The following RGS20 variants were observed in gnomAD, a reference collection of about 807,000 sequenced individuals.
RGS20 encodes regulator of G protein signaling 20, also known as gz-selective GTPase-activating protein.
In RGS20, 30 loss-of-function variants were observed where a neutral mutation model predicts 33.6. The ratio of observed to expected loss-of-function variants is 0.89; its 90% CI spans 0.67 to 1.21. The LOEUF (loss-of-function observed/expected upper bound fraction) is 1.21. RGS20 is among the 50% of genes most tolerant of loss of function. The pLI is 0.00. For missense variants in RGS20, 472 were observed against 502.4 expected, an observed-to-expected ratio of 0.94 and a Z score of 0.58; for synonymous variants, 208 against 197.9, an observed-to-expected ratio of 1.05 and a Z score of -0.43.
At chr8:53,901,859 T>C (rs1813043244) in intron 2 of RGS20, among the ~76,000 whole-genome samples, 1 of 152,082 alleles carries the variant, frequency 6.6e-6, no homozygotes, top group Non-Finnish European at 1.5e-5. Flanking sequence ...CCCTGTCCCT[T>C]AAAAAAGGAA....
At chr8:53,947,156 A>G (rs1425749840) in intron 4 of RGS20, among the ~76,000 whole-genome samples, 1 of 146,696 alleles carries the variant, frequency 6.8e-6, no homozygotes, top group African/African-American at 2.5e-5. Context: ...TATAGTATAT[A>G]TATTTATACA....
intron 1 of RGS20, among the ~76,000 whole-genome samples, chr8:53,865,925 GAC>G (rs1485442196): frequency 6.6e-6 from 1 of 152,166 alleles, no homozygotes; most frequent in African/African-American, 2.4e-5. Context: ...AGGGTTTTGA[GAC>G]ACAGGTCTGA....
chr8:53,878,023 C>G (rs966622564), intron 1 of RGS20, among the ~76,000 whole-genome samples: 1 of 152,232 alleles, frequency 6.6e-6, no homozygotes, highest in Admixed American at 6.5e-5. Flanking sequence ...GGCCGCCGCG[C>G]CCCTGGGACC....
chr8:53,874,178 CAGAAAAA>C (rs1010996093), intron 1 of RGS20, among the ~76,000 whole-genome samples: 3 of 151,834 alleles, frequency 2.0e-5, no homozygotes, highest in Admixed American at 1.3e-4. Context: ...GACTCCGTCT[CAGAAAAA>C]AGAAAAAAGA....
intron 2 of RGS20, among the ~76,000 whole-genome samples, chr8:53,882,611 T>C (rs899819960): frequency 1.4e-5 from 2 of 139,888 alleles, no homozygotes; most frequent in Admixed American, 7.4e-5. Flanking sequence ...GCCACTGCCC[T>C]CCGGCCTGGG....
intron 2 of RGS20, among the ~76,000 whole-genome samples, chr8:53,885,790 CTTTTTT>C (rs1172257852): frequency 2.5e-3 from 281 of 112,734 alleles, no homozygotes; most frequent in African/African-American, 8.8e-3. Flanking sequence ...GTATCTTACT[CTTTTTT>C]TTTTTTTTTT....
chr8:53,867,115 C>A (rs1013657679), intron 1 of RGS20, among the ~76,000 whole-genome samples: 10 of 152,264 alleles, frequency 6.6e-5, no homozygotes, highest in Non-Finnish European at 1.5e-4. Flanking sequence ...CCTCTCCTGA[C>A]CCTTCCTCCA....
At chr8:53,862,038 G>A (rs1811819942) in intron 1 of RGS20, among the ~76,000 whole-genome samples, 1 of 152,074 alleles carries the variant, frequency 6.6e-6, no homozygotes, top group South Asian at 2.1e-4. Flanking sequence ...GGTGAGGAGG[G>A]TGTGAGGAAC....
intron 2 of RGS20, among the ~76,000 whole-genome samples, chr8:53,902,732 T>C (rs1813064016): frequency 8.7e-6 from 1 of 115,154 alleles, no homozygotes; most frequent in Non-Finnish European, 1.5e-5. Flanking sequence ...TGATTGGTTC[T>C]TTTTTTTTTT....
At chr8:53,883,635 G>A (rs1048277120) in intron 2 of RGS20, among the ~76,000 whole-genome samples, 2 of 151,958 alleles carry the variant, frequency 1.3e-5, no homozygotes, top group Non-Finnish European at 2.9e-5. Context: ...TGAAATGGGG[G>A]TAATAAGAGC....
At chr8:53,852,966 T>C (rs1811599173) in intron 1 of RGS20, among the ~76,000 whole-genome samples, 1 of 152,130 alleles carries the variant, frequency 6.6e-6, no homozygotes, top group Non-Finnish European at 1.5e-5. Flanking sequence ...AACACAAAGC[T>C]TTTTCTGTAA....
chr8:53,881,341 G>A (rs1812377037), intron 2 of RGS20, among the ~76,000 whole-genome samples: 1 of 151,902 alleles, frequency 6.6e-6, no homozygotes, highest in African/African-American at 2.4e-5. Flanking sequence ...GGGCCTGCCA[G>A]GGCGTCCGCG....
chr8:53,865,600 G>T (rs1421276188), intron 1 of RGS20, among the ~76,000 whole-genome samples: 1 of 152,026 alleles, frequency 6.6e-6, no homozygotes, highest in African/African-American at 2.4e-5. Flanking sequence ...TTTTTGTGGG[G>T]GTTTTTTGTT....
chr8:53,902,829 A>AAT (rs1813067318), intron 2 of RGS20, among the ~76,000 whole-genome samples: 1 of 151,976 alleles, frequency 6.6e-6, no homozygotes, highest in Admixed American at 6.6e-5. Flanking sequence ...GGATTCAAGT[A>AAT]ATTCTCCTGC....
chr8:53,918,163 T>G (rs1055361679), intron 2 of RGS20, among the ~76,000 whole-genome samples: 4 of 152,154 alleles, frequency 2.6e-5, no homozygotes, highest in Admixed American at 1.3e-4. Flanking sequence ...CACAAAGTTG[T>G]GCAACAATCA....
chr8:53,901,180 G>A (rs1813014038), intron 2 of RGS20, among the ~76,000 whole-genome samples: 1 of 149,976 alleles, frequency 6.7e-6, no homozygotes, highest in Non-Finnish European at 1.5e-5. Flanking sequence ...TGATTCTCCT[G>A]CTTCAGCCTC....
rs1377171817 is a variant in RGS20 at position 53,877,948 on chromosome 8, G to A, written c.166-1310G>A. ...AGGCCGGGCCTGGTGACTGCGGAGTGAGGGAACCGCGCCAGGCCCACGAGG... is the reference window on the plus strand; with the variant it reads ...AGGCCGGGCCTGGTGACTGCGGAGTAAGGGAACCGCGCCAGGCCCACGAGG... On this transcript the variant is annotated intron_variant, in intron 1 of 5. Transcript: ENST00000297313. The surrounding 1 kb of genome is among the most constrained non-coding windows in gnomAD (Gnocchi z 5.7). Among the ~76,000 whole-genome samples the A allele has an allele frequency of 6.6e-6, 1 of 152,204 alleles. No individual in the cohort carries two copies. The highest frequency in any genetic ancestry group is 2.4e-5 in the African/African-American group (1 of 41,446).
At chr8:53,921,437 CT>C (rs1310771848) in intron 2 of RGS20, among the ~76,000 whole-genome samples, 1 of 147,894 alleles carries the variant, frequency 6.8e-6, no homozygotes. Context: ...CTGAGCTGAG[CT>C]TTTCTTTTTT....
chr8:53,933,686 C>A, intron 2 of RGS20: 6 of 153,678 alleles, frequency 3.9e-5, no homozygotes, highest in Non-Finnish European at 5.8e-5. Flanking sequence ...AAACACTCTT[C>A]AGGATATTAT....
Sources: allele counts gnomAD v4.1 joint callset (sites outside exome capture counted in the v4.1 genomes callset), GRCh38; gene constraint gnomAD v4.1.1; non-coding constraint Gnocchi (gnomAD v3.1); transcripts MANE v1.5; gene names NCBI Gene and HGNC (gene_info 2026-07-23, HGNC 2026-07-21).